The following FRZB variants were observed in gnomAD, a reference collection of about 807,000 sequenced individuals.
The protein encoded by FRZB is secreted frizzled-related protein 3.
A neutral mutation model predicts 32.5 loss-of-function variants in FRZB; 34 were observed. The ratio of observed to expected loss-of-function variants is 1.05; its 90% CI spans 0.80 to 1.39. The LOEUF (loss-of-function observed/expected upper bound fraction) is 1.39. Among genes scored for constraint, FRZB ranks in the 40% most tolerant of loss-of-function variants. FRZB has a pLI of 0.00. For synonymous variants in FRZB, 170 were observed against 159.2 expected (o/e 1.07, Z -0.51); for missense variants, 423 against 424.8 (o/e 1.00, Z 0.04).
intron 5 of FRZB, among the ~76,000 whole-genome samples, chr2:182,835,243 TA>T (rs550511763): frequency 3.9e-4 from 59 of 152,234 alleles, no homozygotes; most frequent in Admixed American, 2.8e-3. Context: ...ATGACAGAAA[TA>T]TCTCCCTATA....
rs1010258888 is a variant in FRZB at position 182,866,097 on chromosome 2, G to C, written c.456C>G (p.Ala152=). 1 of 1,611,524 alleles carries C rather than the reference G, an allele frequency of 6.2e-7. No homozygotes were observed. Residue 152 remains alanine, a synonymous_variant, in exon 1 of 6, where the codon GCC becomes GCG. Coordinates refer to ENST00000295113, the MANE Select transcript of FRZB (RefSeq NM_001463.4). The surrounding 1 kb of genome is among the most constrained non-coding windows in gnomAD (Gnocchi z 4.5). ...YDRGVCISPE[A]IVTADGADFP... Reference sequence around the variant, plus strand: ...CACCAGCTCCGTCCGCAGTAACGATGGCCTCGGGAGAGATGCACACGCCCC... The same window carrying C: ...CACCAGCTCCGTCCGCAGTAACGATCGCCTCGGGAGAGATGCACACGCCCC...
chr2:182,834,749 T>C lies in FRZB; in HGVS notation c.*100A>G. On this transcript the variant is annotated 3_prime_UTR_variant, in exon 6 of 6. Transcript: ENST00000295113. ...ATCACATGATTTTTATAGTAAACAA[T>C]AGAATATGATGTGCAATAGTGCAAT... 1 of 820,444 alleles carries C rather than the reference T, an allele frequency of 1.2e-6. No individual in the cohort carries two copies. The highest frequency in any genetic ancestry group is 2.2e-6 in the Non-Finnish European group (1 of 462,468). 50.8% of individuals were successfully genotyped at this position (820,444 alleles called of 1,614,324 possible). A position where few individuals can be genotyped will look rare whatever the true frequency, so the allele number is the denominator to read the frequency against.
intron 2 of FRZB, among the ~76,000 whole-genome samples, chr2:182,854,243 T>C (rs966840556): frequency 1.3e-5 from 2 of 152,210 alleles, no homozygotes; most frequent in South Asian, 4.1e-4. Context: ...TTATGATTTG[T>C]GCACTTTTCT....
At chr2:182,851,524 C>T (rs189278049) in intron 2 of FRZB, among the ~76,000 whole-genome samples, 57 of 151,924 alleles carry the variant, frequency 3.8e-4, no homozygotes, top group East Asian at 3.3e-3. Flanking sequence ...GGCGTGGTGG[C>T]GGGTGCCTGT....
intron 1 of FRZB, among the ~76,000 whole-genome samples, chr2:182,860,982 G>A (rs1362022458): frequency 6.6e-6 from 1 of 152,014 alleles, no homozygotes; most frequent in African/African-American, 2.4e-5. Context: ...GGGAAATGAT[G>A]AGTTCACGCT....
intron 2 of FRZB, among the ~76,000 whole-genome samples, chr2:182,855,562 A>G (rs1695758931): frequency 6.6e-6 from 1 of 152,262 alleles, no homozygotes; most frequent in Non-Finnish European, 1.5e-5. Context: ...GAAAGAGTCA[A>G]TGAACTTGTC....
intron 5 of FRZB, 92 bp downstream of exon 5, chr2:182,837,856 A>G: frequency 1.1e-6 from 1 of 902,068 alleles, no homozygotes; most frequent in Non-Finnish European, 1.8e-6. Flanking sequence ...CATATGGTTG[A>G]AGGCAGCTAT....
chr2:182,841,868 G>A (rs182291846), intron 3 of FRZB, among the ~76,000 whole-genome samples: 5 of 152,210 alleles, frequency 3.3e-5, no homozygotes, highest in African/African-American at 9.6e-5. Flanking sequence ...AAAATGGCAG[G>A]CTTTTTAATC....
At chr2:182,835,567 CA>C (rs869151585) in intron 5 of FRZB, among the ~76,000 whole-genome samples, 2 of 145,018 alleles carry the variant, frequency 1.4e-5, no homozygotes, top group Non-Finnish European at 3.1e-5. Context: ...TTTTAATAAA[CA>C]CAATCAAGTT....
At position 182,858,804 on chromosome 2, in the gene FRZB, A is replaced by C. The variant is rs764345574; in HGVS notation, c.508T>G (p.Cys170Gly). The C allele has an allele frequency of 6.2e-7, 1 of 1,610,898 alleles. No individual in the cohort carries two copies. The highest frequency in any genetic ancestry group is 1.3e-5 in the African/African-American group (1 of 74,832). The change falls in exon 2 of 6, where the codon TGT (cysteine) becomes GGT (glycine). Residue 170 changes from cysteine (C) to glycine (G), a missense_variant. Coordinates refer to ENST00000295113, the MANE Select transcript of FRZB (RefSeq NM_001463.4). ...TACTCACCACTGCTTGCCCCTCTACAGTTTCCGTTACTAGAATCCATAGGA... is the reference window on the plus strand; with the variant it reads ...TACTCACCACTGCTTGCCCCTCTACCGTTTCCGTTACTAGAATCCATAGGA... ...DFPMDSSNGN[C>G]RGASSERCKC... is the part of the protein sequence containing the mutation.
At chr2:182,854,034 T>C (rs1695739321) in intron 2 of FRZB, among the ~76,000 whole-genome samples, 3 of 152,176 alleles carry the variant, frequency 2.0e-5, no homozygotes, top group African/African-American at 7.2e-5. Context: ...GGAAGTCACA[T>C]GCATATACAA....
At chr2:182,865,534 G>T (rs767438332) in intron 1 of FRZB, among the ~76,000 whole-genome samples, 2 of 152,106 alleles carry the variant, frequency 1.3e-5, no homozygotes, top group Admixed American at 1.3e-4. Flanking sequence ...AACATCTGTC[G>T]GTTAGAGTAA....
intron 3 of FRZB, among the ~76,000 whole-genome samples, chr2:182,840,587 T>C (rs1372629900): frequency 1.3e-5 from 2 of 152,092 alleles, no homozygotes; most frequent in Non-Finnish European, 2.9e-5. Context: ...TAAAAATATT[T>C]TGGAAGTAAA....
At chr2:182,838,361 AG>A in intron 4 of FRZB, 47 bp downstream of exon 4, 1 of 1,460,734 alleles carries the variant, frequency 6.8e-7, no homozygotes, top group Non-Finnish European at 9.6e-7. Flanking sequence ...ATTTAATGAG[AG>A]TAGGATAAGC....
At chr2:182,864,633 A>T (rs1695870236) in intron 1 of FRZB, among the ~76,000 whole-genome samples, 2 of 152,026 alleles carry the variant, frequency 1.3e-5, no homozygotes, top group Admixed American at 1.3e-4. Flanking sequence ...TCTTCTGTTT[A>T]TTTTTTTTCC....
At position 182,866,456 on chromosome 2, in the gene FRZB, C is replaced by A. The variant is rs1442023364; in HGVS notation, c.97G>T (p.Ala33Ser). 1.3e-6 allele frequency: 2 copies of A among 1,553,822 alleles called. No individual in the cohort carries two copies. Among genetic ancestry groups the A allele is most frequent in the African/African-American group, 2.7e-5 (2 of 74,156 alleles). The change falls in exon 1 of 6, where the codon GCA becomes TCA. Residue 33 changes from alanine to serine, a missense_variant. Ala to Ser is a moderately conservative substitution (Grantham distance 99). Coordinates refer to ENST00000295113, the MANE Select transcript of FRZB (RefSeq NM_001463.4). This position sits in a 1 kb window ranked among gnomAD's most constrained non-coding sequence, Gnocchi z 4.5. ...GGGATGCGGACGGGCTCACAGGCTGCAGCCCGAGCCCCGGGCACCCGGAGC... is the reference window on the plus strand; with the variant it reads ...GGGATGCGGACGGGCTCACAGGCTGAAGCCCGAGCCCCGGGCACCCGGAGC... Reference protein sequence around the residue: ...CLLRVPGARAAACEPVRIPLC... With the variant: ...CLLRVPGARASACEPVRIPLC...
chr2:182,857,400 C>T (rs1369565558), intron 2 of FRZB, among the ~76,000 whole-genome samples: 2 of 152,010 alleles, frequency 1.3e-5, no homozygotes, highest in African/African-American at 4.8e-5. Flanking sequence ...GTGGGTGGAT[C>T]ACCTGAGATC....
At chr2:182,835,795 G>C (rs1695518785) in intron 5 of FRZB, among the ~76,000 whole-genome samples, 1 of 151,960 alleles carries the variant, frequency 6.6e-6, no homozygotes, top group African/African-American at 2.4e-5. Flanking sequence ...AAGCTCCCAG[G>C]TGATACCTAT....
chr2:182,866,535 C>G lies in FRZB; in HGVS notation c.18G>C (p.Pro6=). 2 of 1,465,192 alleles carry G rather than the reference C, an allele frequency of 1.4e-6. No homozygotes were observed. The highest frequency in any genetic ancestry group is 1.4e-5 in the South Asian group (1 of 73,290). 90.8% of individuals were successfully genotyped at this position (1,465,192 alleles called of 1,614,324 possible). ...CGGCCCGCAGCAGCAGCATCCCTCC[C>G]GGGCTGCCGCAGACCATGATCCCGG... The part of the protein sequence containing the change: MVCGS[P]GGMLLLRAGL... Residue 6 remains proline, a synonymous_variant, in exon 1 of 6, where the codon CCG becomes CCC. Coordinates refer to ENST00000295113, the MANE Select transcript of FRZB (RefSeq NM_001463.4). The surrounding 1 kb of genome is among the most constrained non-coding windows in gnomAD (Gnocchi z 4.5).
Sources: gnomAD v4.1 joint callset for allele counts (sites outside exome capture counted in the v4.1 genomes callset) on GRCh38, gnomAD v4.1.1 for gene constraint, Gnocchi (gnomAD v3.1) non-coding constraint, MANE v1.5 for transcripts, NCBI Gene and HGNC (gene_info 2026-07-23, HGNC 2026-07-21) for gene names.